LIMK1: variants seen among roughly 807,000 people sequenced by gnomAD.
LIMK1 encodes the protein LIM motif-containing protein kinase.
LIMK1 carries 21 observed loss-of-function variants against 77.6 expected under a neutral mutation model. The ratio of observed to expected loss-of-function variants is 0.27; its 90% CI spans 0.19 to 0.39. The LOEUF (loss-of-function observed/expected upper bound fraction) is 0.39. Among genes scored for constraint, LIMK1 ranks in the 10% least tolerant of loss-of-function variants. The pLI is 1.00. For synonymous variants in LIMK1, 358 were observed against 370.0 expected (o/e 0.97, Z 0.37); for missense variants, 696 against 901.6 (o/e 0.77, Z 2.92).
chr7:74,106,273 G>A lies in LIMK1; in HGVS notation c.881+30G>A, dbSNP rs910165258. ...GTCAGCCTGCTCCTCGGTTCAGCTG[G>A]GTGCTTTCACTCCTGCTGGGGCTCA... On this transcript the variant is annotated intron_variant, in intron 7 of 15. Transcript: ENST00000336180. 9 of 1,577,796 alleles carry A rather than the reference G, an allele frequency of 5.7e-6. No individual in the cohort carries two copies. The Middle Eastern group carries it at 7.0e-4, about 123-fold the overall frequency.
rs782489315 is a variant in LIMK1 at position 74,093,278 on chromosome 7, G to A, written c.153-3344G>A. Reference sequence around the variant, plus strand: ...CTGTTGGCTTCAGCCCCAAGAAGACGCCGCTTCCTCCAGAGGGCTAAGTAA... The same window carrying A: ...CTGTTGGCTTCAGCCCCAAGAAGACACCGCTTCCTCCAGAGGGCTAAGTAA... On this transcript the variant is annotated intron_variant, in intron 2 of 15. Coordinates refer to ENST00000336180, the MANE Select transcript of LIMK1 (RefSeq NM_002314.4). The A allele has an allele frequency of 1.2e-5, 18 of 1,535,880 alleles. No homozygotes were observed. The South Asian group carries it at 1.4e-4, about 12-fold the overall frequency.
At chr7:74,118,751 A>T (rs1424085184) in intron 13 of LIMK1, among the ~76,000 whole-genome samples, 3 of 152,120 alleles carry the variant, frequency 2.0e-5, no homozygotes, top group Admixed American at 2.0e-4. Context: ...ACTCTGTCTC[A>T]AAAAACAAAA....
chr7:74,095,935 C>T (rs1470317414), intron 2 of LIMK1, among the ~76,000 whole-genome samples: 1 of 150,238 alleles, frequency 6.7e-6, no homozygotes, highest in Non-Finnish European at 1.5e-5. Context: ...GATGACCCTG[C>T]ACACCTGGGG....
intron 5 of LIMK1, among the ~76,000 whole-genome samples, chr7:74,101,958 A>G (rs1271284721): frequency 6.6e-6 from 1 of 152,054 alleles, no homozygotes; most frequent in Non-Finnish European, 1.5e-5. Context: ...CTGAGTAGTG[A>G]GACTACAGGC....
chr7:74,095,968 C>CTTTTTTTTTTTTTTTTTTTTTTT (rs869065672), intron 2 of LIMK1, among the ~76,000 whole-genome samples: 5 of 127,230 alleles, frequency 3.9e-5, no homozygotes, highest in African/African-American at 1.3e-4. Context: ...TTTTCTTTTT[C>CTTTTTTTTTTTTTTTTTTTTTTT]TTTTTTTTTT....
Position 74,121,045 on chromosome 7 carries a change from A to G in LIMK1, c.1777A>G (p.Lys593Glu), listed in dbSNP as rs782499090. 1.3e-6 allele frequency: 2 copies of G among 1,577,794 alleles called. No homozygotes were observed. Among genetic ancestry groups the G allele is most frequent in the South Asian group, 2.3e-5 (2 of 88,542 alleles). ...TVRCCDLDPE[K>E]RPSFVKLEHW... ...GCGCTGTTGCGATCTGGACCCCGAG[A>G]AGAGGTGAGTGGGGTGGGGCCCTGG... Residue 593 changes from lysine to glutamate, a missense_variant, in exon 15 of 16, where the codon AAG becomes GAG. Physicochemically the swap from Lys to Glu is moderately conservative, Grantham distance 56 (BLOSUM62 1). Around this residue, in one of 3 missense-constraint regions of LIMK1, gnomAD observed 438 missense variants for 602.3 expected, o/e 0.73. Transcript: ENST00000336180.
chr7:74,111,995 C>T lies in LIMK1; in HGVS notation c.1407C>T (p.Arg469=), dbSNP rs61732372. ...RDLNSHNCLV[R]ENKNVVVADF... ...TCAACTCCCACAACTGCCTGGTCCG[C>T]GAGGTGAGTACCAGGGCCCCACGTG... Residue 469 remains arginine, a synonymous_variant, in exon 12 of 16, where the codon CGC becomes CGT. Transcript: ENST00000336180. 357 of 1,607,836 alleles carry T rather than the reference C, an allele frequency of 2.2e-4. 3 individuals carry two copies. The African/African-American group carries it at 4.0e-3, about 18-fold the overall frequency.
At chr7:74,121,083 T>C in intron 15 of LIMK1, 34 bp downstream of exon 15, 1 of 1,593,450 alleles carries the variant, frequency 6.3e-7, no homozygotes, top group Non-Finnish European at 8.6e-7. Context: ...TGGGAGACGG[T>C]GGGGCCGATT....
At chr7:74,096,270 G>C (rs1374991242) in intron 2 of LIMK1, among the ~76,000 whole-genome samples, 1 of 151,454 alleles carries the variant, frequency 6.6e-6, no homozygotes, top group Non-Finnish European at 1.5e-5. Flanking sequence ...GGGAGGCCGA[G>C]GTGGGCGGAT....
intron 2 of LIMK1, among the ~76,000 whole-genome samples, chr7:74,092,839 G>C (rs782397849): frequency 1.3e-5 from 2 of 152,188 alleles, no homozygotes; most frequent in Non-Finnish European, 2.9e-5. Context: ...TGTTCCCTTG[G>C]GGGCAGCAGT....
At chr7:74,108,253 G>T (rs1424963421) in intron 9 of LIMK1, among the ~76,000 whole-genome samples, 1 of 151,696 alleles carries the variant, frequency 6.6e-6, no homozygotes, top group Non-Finnish European at 1.5e-5. Context: ...TGGGAGGCTC[G>T]CTTGAGCCCA....
At chr7:74,102,484 C>CTCTTTTTTTT in intron 5 of LIMK1, among the ~76,000 whole-genome samples, 1 of 54,042 alleles carries the variant, frequency 1.9e-5, no homozygotes, top group Non-Finnish European at 3.5e-5. Flanking sequence ...AGGACCTTCT[C>CTCTTTTTTTT]TTTTTTTTTT....
intron 12 of LIMK1, among the ~76,000 whole-genome samples, chr7:74,112,824 CA>C (rs879979038): frequency 2.3e-4 from 32 of 140,074 alleles, no homozygotes; most frequent in Admixed American, 2.1e-4. Flanking sequence ...GACTCCATCT[CA>C]AAAAAAAAAA....
At position 74,084,010 on chromosome 7, in the gene LIMK1, G is replaced by A. The variant is rs1799081109; in HGVS notation, c.20G>A (p.Cys7Tyr). The A allele has an allele frequency of 6.8e-7, 1 of 1,477,214 alleles. No individual in the cohort carries two copies. The highest frequency in any genetic ancestry group is 9.0e-7 in the Non-Finnish European group (1 of 1,106,328). The allele number at this position is 1,477,214 out of a possible 1,614,324, so 91.5% of individuals were successfully genotyped here. Residue 7 changes from cysteine to tyrosine, a missense_variant, in exon 1 of 16, where the codon TGT (cysteine) becomes TAT (tyrosine). Coordinates refer to ENST00000336180, the MANE Select transcript of LIMK1 (RefSeq NM_002314.4). MRLTLL[C>Y]CTWREERMGE... ...GAGTGCATGAGGTTGACGCTACTTT[G>A]TTGCACCTGGAGGGAAGAACGTATG...
At chr7:74,089,903 G>A (rs810536) in intron 2 of LIMK1, among the ~76,000 whole-genome samples, 101,032 of 151,770 alleles carry the variant, frequency 0.67, 34,643 homozygotes, top group East Asian at 0.84. Context: ...GGAGCCTTGG[G>A]TGATGGAGAG....
intron 5 of LIMK1, among the ~76,000 whole-genome samples, chr7:74,100,880 C>T (rs1247158030): frequency 2.0e-5 from 3 of 151,962 alleles, no homozygotes; most frequent in East Asian, 1.9e-4. Flanking sequence ...GGACTACAGG[C>T]ACCTGCCACC....
intron 1 of LIMK1, 40 bp downstream of exon 1, chr7:74,084,085 G>C (rs781919255): frequency 2.1e-5 from 27 of 1,270,208 alleles, no homozygotes; most frequent in Non-Finnish European, 2.8e-5. Context: ...GCCTGGAGGG[G>C]GTGCCCGGGG....
At chr7:74,114,712 G>A (rs1305687511) in intron 12 of LIMK1, among the ~76,000 whole-genome samples, 1 of 150,588 alleles carries the variant, frequency 6.6e-6, no homozygotes, top group Non-Finnish European at 1.5e-5. Context: ...TCAGGAGATC[G>A]AGACCATCCT....
At chr7:74,092,027 C>G (rs1403908187) in intron 2 of LIMK1, among the ~76,000 whole-genome samples, 1 of 128,788 alleles carries the variant, frequency 7.8e-6, no homozygotes, top group African/African-American at 3.0e-5. Flanking sequence ...AGTGCAGTGG[C>G]GTGATCTCAG....
Sources: gnomAD v4.1 joint callset for allele counts (sites outside exome capture counted in the v4.1 genomes callset) on GRCh38, gnomAD v4.1.1 for gene constraint, gnomAD v4.1.1 regional missense constraint, MANE v1.5 for transcripts, NCBI Gene and HGNC (gene_info 2026-07-23, HGNC 2026-07-21) for gene names.